The following MFF variants were observed in gnomAD, a reference collection of about 807,000 sequenced individuals.
MFF encodes chromosome 2 open reading frame 33.
In MFF, 12 loss-of-function variants were observed where a neutral mutation model predicts 36.9. The observed-to-expected ratio is 0.33, with a 90% CI of 0.21 to 0.53. MFF has a LOEUF of 0.53. Ranked by LOEUF, MFF falls within the 20% of genes least tolerant of loss-of-function variation. The pLI, the probability that MFF is intolerant of heterozygous loss-of-function variation, is 0.95. For synonymous variants in MFF, 99 were observed against 126.2 expected, an observed-to-expected ratio of 0.78 and a Z score of 1.44; for missense variants, 348 against 366.6, an observed-to-expected ratio of 0.95 and a Z score of 0.42.
At chr2:227,340,496 T>C in intron 5 of MFF, 116 bp downstream of exon 5, 4 of 755,602 alleles carry the variant, frequency 5.3e-6, no homozygotes, top group Non-Finnish European at 8.4e-6. Flanking sequence ...TTTACATCAA[T>C]TTTATATTTT....
chr2:227,344,932 T>C (rs1451257918), intron 5 of MFF, among the ~76,000 whole-genome samples: 1 of 152,206 alleles, frequency 6.6e-6, no homozygotes, highest in East Asian at 1.9e-4. Flanking sequence ...TCTTTTATCT[T>C]TCTACATAAG....
At chr2:227,326,473 T>A (rs1412241251) in intron 1 of MFF, among the ~76,000 whole-genome samples, 1 of 152,214 alleles carries the variant, frequency 6.6e-6, no homozygotes, top group Non-Finnish European at 1.5e-5. Flanking sequence ...GGACCTTCTA[T>A]CTTTTGGTTT....
At chr2:227,349,458 C>T (rs1449700864) in intron 6 of MFF, among the ~76,000 whole-genome samples, 1 of 151,908 alleles carries the variant, frequency 6.6e-6, no homozygotes, top group Non-Finnish European at 1.5e-5. Flanking sequence ...GGAAGGAATT[C>T]TCTTTTCTCA....
At chr2:227,356,292 A>G (rs1295932704) in intron 8 of MFF, among the ~76,000 whole-genome samples, 1 of 152,318 alleles carries the variant, frequency 6.6e-6, no homozygotes, top group Middle Eastern at 3.4e-3. Context: ...AAATAGATAT[A>G]GAGGGAAATT....
At chr2:227,338,984 C>G (rs751823043) in intron 4 of MFF, among the ~76,000 whole-genome samples, 6 of 151,874 alleles carry the variant, frequency 4.0e-5, no homozygotes, top group Non-Finnish European at 7.4e-5. Flanking sequence ...GGGCAGAACA[C>G]TTGAGCTCAG....
chr2:227,356,938 C>T (rs770431674), intron 8 of MFF, 48 bp from the exon 9 acceptor site: 1 of 1,441,590 alleles, frequency 6.9e-7, no homozygotes, highest in South Asian at 1.2e-5. Context: ...TTGCCCTATT[C>T]ATTAAAGCCT....
chr2:227,327,288 T>C (rs754309908), intron 1 of MFF, among the ~76,000 whole-genome samples: 14 of 152,232 alleles, frequency 9.2e-5, no homozygotes, highest in Non-Finnish European at 1.8e-4. Flanking sequence ...TTTTGCCTCG[T>C]TTGTTATGTA....
rs6738078 is a variant in MFF, at chr2:227,342,909, G to T, written c.440+2529G>T. 2.6e-3 allele frequency: 2,813 copies of T among 1,083,532 alleles called. 13 individuals are homozygous for T. The highest frequency in any genetic ancestry group is 4.7e-3 in the Admixed American group (233 of 49,822). 67.1% of individuals were successfully genotyped at this position (1,083,532 alleles called of 1,614,324 possible). A position where few individuals can be genotyped will look rare whatever the true frequency, so the allele number is the denominator to read the frequency against. On this transcript the variant is annotated intron_variant, in intron 5 of 8. Coordinates refer to ENST00000304593, the MANE Select transcript of MFF (RefSeq NM_001277062.2). ...CTAATCTATTCACCAGGTAATTGAC[G>T]TATGCTATCCTAATTATCTTCCTGT...
chr2:227,344,661 G>T (rs2075609115), intron 5 of MFF, among the ~76,000 whole-genome samples: 1 of 151,906 alleles, frequency 6.6e-6, no homozygotes, highest in Admixed American at 6.6e-5. Flanking sequence ...ATCTGTGGAT[G>T]GAATTAAATG....
At chr2:227,326,784 G>GT (rs976051571) in intron 1 of MFF, among the ~76,000 whole-genome samples, 15 of 151,982 alleles carry the variant, frequency 9.9e-5, no homozygotes, top group Admixed American at 2.0e-4. Flanking sequence ...CAACTGGAGG[G>GT]TTTTTTTTGG....
At chr2:227,338,889 T>G (rs1193114772) in intron 4 of MFF, among the ~76,000 whole-genome samples, 27 of 144,684 alleles carry the variant, frequency 1.9e-4, no homozygotes, top group Non-Finnish European at 3.2e-4. Flanking sequence ...TAGTGGGGGG[T>G]TTTTTGTTTG....
Position 227,332,490 on chromosome 2 carries a change from C to G in MFF, c.253C>G (p.Leu85Val). 6.2e-7 allele frequency: 1 copy of G among 1,613,766 alleles called. No homozygotes were observed. Among genetic ancestry groups the G allele is most frequent in the South Asian group, 1.1e-5 (1 of 91,026 alleles). ...TATTCAGTCAACTCCCTTTAAACCC[C>G]TGGCACTGAAAACACCACCTCGTGT... ...DLIQSTPFKP[L>V]ALKTPPRVLT... Residue 85 changes from leucine (L) to valine (V), a missense_variant, in exon 4 of 9, where the codon CTG (leucine) becomes GTG (valine). By Grantham distance (32) the Leu-to-Val change is conservative. Transcript: ENST00000304593.
At chr2:227,346,005 A>C (rs2075690663) in intron 5 of MFF, among the ~76,000 whole-genome samples, 2 of 152,158 alleles carry the variant, frequency 1.3e-5, no homozygotes, top group Non-Finnish European at 2.9e-5. Context: ...TTGGATCACC[A>C]AGCCATTCAA....
chr2:227,352,325 T>C, intron 6 of MFF, 189 bp from the exon 7 acceptor site: 1 of 529,352 alleles, frequency 1.9e-6, no homozygotes, highest in Non-Finnish European at 3.4e-6. Context: ...AATGTTGAGT[T>C]TATGAAAATG....
chr2:227,327,416 G>A (rs1479639380), intron 1 of MFF, among the ~76,000 whole-genome samples: 1 of 151,790 alleles, frequency 6.6e-6, no homozygotes, highest in Non-Finnish European at 1.5e-5. Context: ...AAATGCCACA[G>A]TCTAACGAGG....
At chr2:227,343,871 T>C (rs1447592677) in intron 5 of MFF, among the ~76,000 whole-genome samples, 1 of 152,164 alleles carries the variant, frequency 6.6e-6, no homozygotes, top group African/African-American at 2.4e-5. Flanking sequence ...CACTGCAACC[T>C]CCACCTCCCG....
Position 227,352,517 on chromosome 2 carries a change from T to C in MFF, c.603T>C (p.Pro201=). 6.2e-7 allele frequency: 1 copy of C among 1,613,772 alleles called. No homozygotes were observed. The highest frequency in any genetic ancestry group is 8.5e-7 in the Non-Finnish European group (1 of 1,179,720). ...CTCCCGCAAAAACCTGCCTTAGACC[T>C]GTGTTGCGTGGTGGGTCTGCTGCCG... ...ILDVLDENRR[P]VLRGGSAAAT... The change falls in exon 7 of 9, where the codon CCT becomes CCC. Residue 201 remains proline, a synonymous_variant. Coordinates refer to ENST00000304593, the MANE Select transcript of MFF (RefSeq NM_001277062.2).
At chr2:227,354,784 C>G (rs572325115) in intron 7 of MFF, among the ~76,000 whole-genome samples, 1 of 152,174 alleles carries the variant, frequency 6.6e-6, no homozygotes, top group South Asian at 2.1e-4. Flanking sequence ...AATTCTGGAG[C>G]TAAATGTAGT....
chr2:227,348,532 TTTTG>T (rs1388985961), intron 6 of MFF, among the ~76,000 whole-genome samples: 2 of 152,134 alleles, frequency 1.3e-5, no homozygotes, highest in East Asian at 1.9e-4. Context: ...TATAGATCTG[TTTTG>T]TTTGTTTTTC....
Sources: gnomAD v4.1 joint callset for allele counts (sites outside exome capture counted in the v4.1 genomes callset) on GRCh38, gnomAD v4.1.1 for gene constraint, MANE v1.5 for transcripts, NCBI Gene and HGNC (gene_info 2026-07-23, HGNC 2026-07-21) for gene names.